Variants in ARFGEF1 observed in about 807,000 individuals in gnomAD.
The protein encoded by ARFGEF1 is ARF guanine nucleotide exchange factor 1, also known as brefeldin A-inhibited guanine nucleotide-exchange protein 1.
ARFGEF1 carries 42 observed loss-of-function variants against 231.0 expected under a neutral mutation model. The observed-to-expected ratio is 0.18, with a 90% confidence interval of 0.14 to 0.24. The LOEUF is 0.24. ARFGEF1 is among the 10% of genes least tolerant of loss of function. The pLI is 1.00. For synonymous variants in ARFGEF1, 710 were observed against 732.3 expected (o/e 0.97, Z 0.49); for missense variants, 1,345 against 2,192.0 (o/e 0.61, Z 7.72).
chr8:67,218,626 G>A (rs187587135), intron 30 of ARFGEF1, among the ~76,000 whole-genome samples: 6 of 151,722 alleles, frequency 4.0e-5, no homozygotes, highest in Admixed American at 2.6e-4. Context: ...GCTATACAAC[G>A]TAAGTGTAAT....
intron 33 of ARFGEF1, among the ~76,000 whole-genome samples, chr8:67,212,129 C>T (rs1384013775): frequency 6.6e-6 from 1 of 152,318 alleles, no homozygotes; most frequent in East Asian, 1.9e-4. Flanking sequence ...GTTGCCCAGG[C>T]TGGAGTGCAA....
chr8:67,215,339 G>A (rs1277035711), intron 33 of ARFGEF1, among the ~76,000 whole-genome samples: 2 of 152,088 alleles, frequency 1.3e-5, no homozygotes, highest in African/African-American at 4.8e-5. Context: ...TTTTGCCGAT[G>A]GGATGGACAT....
At chr8:67,265,293 A>C (rs184746287) in intron 14 of ARFGEF1, among the ~76,000 whole-genome samples, 6 of 152,324 alleles carry the variant, frequency 3.9e-5, no homozygotes, top group Admixed American at 3.9e-4. Flanking sequence ...ATCAGGAAGA[A>C]ATGCTTTACA....
chr8:67,243,737 A>T (rs1422007209), intron 19 of ARFGEF1, among the ~76,000 whole-genome samples: 1 of 152,200 alleles, frequency 6.6e-6, no homozygotes. Context: ...AAGACTATCC[A>T]GGAAAACACG....
rs527981069 is a variant in ARFGEF1, at chr8:67,291,902, A to T, written c.861T>A (p.Asp287Glu). ...QDDTEPENGS[D>E]ISSAENEQTE... is the part of the protein sequence containing the mutation. ...TCTGTTCATTTTCTGCACTGGAAAT[A>T]TCAGATCCATTTTCAGGCTCTGTGT... is the stretch of plus-strand genomic sequence containing the variant. The change falls in exon 6 of 39, where the codon GAT becomes GAA. Residue 287 changes from aspartate (D) to glutamate (E), a missense_variant. By Grantham distance (45) the Asp-to-Glu change is conservative. This residue lies in a region of ARFGEF1 where 398 missense variants were observed against 463.2 expected (regional missense o/e 0.86). Coordinates refer to ENST00000262215, the MANE Select transcript of ARFGEF1 (RefSeq NM_006421.5). 3.1e-5 allele frequency: 50 copies of T among 1,613,980 alleles called. No homozygotes were observed. In the South Asian group the frequency reaches 5.5e-4, roughly 18 times the overall value.
rs538501657 is a variant in ARFGEF1 at position 67,184,513 on chromosome 8, G to A, written c.561-8941C>T. ...AGTACTTTGGGAGGCTGAGGTGGGC[G>A]GATCACCTGAAGTCAGGAGTTCAAG... On this transcript the variant is annotated intron_variant, in intron 5 of 5. Transcript: ENST00000518789. Among the ~76,000 whole-genome samples the A allele has an allele frequency of 4.6e-5, 7 of 151,858 alleles. No homozygotes were observed. The South Asian group carries it at 6.2e-4, about 14-fold the overall frequency.
intron 1 of ARFGEF1, among the ~76,000 whole-genome samples, chr8:67,330,191 A>G (rs1808034597): frequency 2.0e-5 from 3 of 152,096 alleles, no homozygotes; most frequent in Non-Finnish European, 4.4e-5. Flanking sequence ...TACCTACTAA[A>G]GGGTGCTTTT....
At chr8:67,191,513 G>T (rs764304936) in intron 5 of ARFGEF1, among the ~76,000 whole-genome samples, 1 of 152,128 alleles carries the variant, frequency 6.6e-6, no homozygotes, top group African/African-American at 2.4e-5. Flanking sequence ...TGGACATTTC[G>T]TATAAATGAG....
intron 5 of ARFGEF1, among the ~76,000 whole-genome samples, chr8:67,186,452 A>T (rs1834617707): frequency 6.6e-6 from 1 of 152,072 alleles, no homozygotes; most frequent in Admixed American, 6.5e-5. Flanking sequence ...GAATACCATG[A>T]ACAACTCTAT....
At chr8:67,179,941 T>C in intron 5 of ARFGEF1, 3 of 1,398,916 alleles carry the variant, frequency 2.1e-6, no homozygotes, top group Non-Finnish European at 3.0e-6. Context: ...GTATATTTAT[T>C]TTATTAAGGC....
intron 32 of ARFGEF1, among the ~76,000 whole-genome samples, chr8:67,217,326 C>T (rs1217256933): frequency 6.7e-6 from 1 of 148,178 alleles, no homozygotes; most frequent in Non-Finnish European, 1.5e-5. Flanking sequence ...AAAAAACCTA[C>T]CTCACTATAA....
intron 5 of ARFGEF1, among the ~76,000 whole-genome samples, chr8:67,184,462 G>T (rs971009456): frequency 3.9e-5 from 6 of 152,274 alleles, no homozygotes; most frequent in African/African-American, 1.4e-4. Context: ...ATCTAGCTGG[G>T]CATGGTGGCT....
chr8:67,278,053 AGTAATCATACTT>A (rs777712662), intron 7 of ARFGEF1, among the ~76,000 whole-genome samples: 1 of 152,202 alleles, frequency 6.6e-6, no homozygotes, highest in Non-Finnish European at 1.5e-5. Context: ...GGTCACTTTG[AGTAATCATACTT>A]GTAATTAATA....
At position 67,211,480 on chromosome 8, in the gene ARFGEF1, C is replaced by T. The variant is rs1443830173; in HGVS notation, c.4819+3G>A. On this transcript the variant is annotated splice_donor_region_variant and intron_variant, in intron 34 of 38. Coordinates refer to ENST00000262215, the MANE Select transcript of ARFGEF1 (RefSeq NM_006421.5). Reference sequence around the variant, plus strand: ...TTTATTTTTATTTAGAGAAATAACTCACTTGCTGTAGATTTAATTTTGCTG... The same window carrying T: ...TTTATTTTTATTTAGAGAAATAACTTACTTGCTGTAGATTTAATTTTGCTG... The T allele has an allele frequency of 1.3e-6, 2 of 1,559,252 alleles. No individual in the cohort carries two copies. The highest frequency in any genetic ancestry group is 1.7e-6 in the Non-Finnish European group (2 of 1,158,168).
chr8:67,254,908 A>G (rs1444924753), intron 17 of ARFGEF1, among the ~76,000 whole-genome samples: 1 of 152,184 alleles, frequency 6.6e-6, no homozygotes, highest in Non-Finnish European at 1.5e-5. Context: ...ACTAAAAAAA[A>G]AAAATGAAAG....
intron 19 of ARFGEF1, among the ~76,000 whole-genome samples, chr8:67,250,852 C>A (rs1261179541): frequency 1.3e-5 from 2 of 152,210 alleles, no homozygotes; most frequent in African/African-American, 4.8e-5. Context: ...CCCACAAACA[C>A]AAATAATATT....
Position 67,218,025 on chromosome 8 carries a change from C to A in ARFGEF1, c.4452G>T (p.Gln1484His). The change falls in exon 31 of 39, where the codon CAG becomes CAT. Residue 1484 changes from glutamine (Q) to histidine (H), a missense_variant. Physicochemically the swap from Gln to His is conservative, Grantham distance 24 (BLOSUM62 0). Around this residue, in one of 14 missense-constraint regions of ARFGEF1, gnomAD observed 54 missense variants for 86.5 expected, o/e 0.62. Transcript: ENST00000262215. The part of the protein sequence containing the change: ...SDVLLDDIFA[Q>H]LYWCVQQDNE... The stretch of plus-strand genomic sequence containing the variant: ...TACCTTGCTGCACACACCAGTAGAG[C>A]TGAGCAAAAATGTCATCCAAAAGTA... 1.2e-6 allele frequency: 2 copies of A among 1,610,806 alleles called. No individual in the cohort carries two copies. The highest frequency in any genetic ancestry group is 1.7e-6 in the Non-Finnish European group (2 of 1,178,534).
chr8:67,274,089 A>AT (rs1263692490), intron 9 of ARFGEF1, among the ~76,000 whole-genome samples: 1 of 152,176 alleles, frequency 6.6e-6, no homozygotes, highest in African/African-American at 2.4e-5. Context: ...TGTACAAGGC[A>AT]ATAATGAATG....
chr8:67,295,234 T>C (rs1806179902), intron 5 of ARFGEF1, among the ~76,000 whole-genome samples: 1 of 152,074 alleles, frequency 6.6e-6, no homozygotes, highest in African/African-American at 2.4e-5. Context: ...CTGACAGATA[T>C]TAAAACTGAG....
Sources: allele counts gnomAD v4.1 joint callset (sites outside exome capture counted in the v4.1 genomes callset), GRCh38; gene constraint gnomAD v4.1.1; regional missense constraint gnomAD v4.1.1; transcripts MANE v1.5; gene names NCBI Gene and HGNC (gene_info 2026-07-23, HGNC 2026-07-21).